The following LCOR variants were observed in gnomAD, a reference collection of about 807,000 sequenced individuals.
LCOR encodes ligand-dependent corepressor.
A neutral mutation model predicts 64.4 loss-of-function variants in LCOR; 14 were observed. The ratio of observed to expected loss-of-function variants is 0.22; its 90% CI spans 0.14 to 0.34. The LOEUF (loss-of-function observed/expected upper bound fraction) is 0.34. Among genes scored for constraint, LCOR ranks in the 10% least tolerant of loss-of-function variants. The pLI is 1.00. For synonymous variants in LCOR, 643 were observed against 642.5 expected, an observed-to-expected ratio of 1.00 and a Z score of -0.01; for missense variants, 1,686 against 1,765.3, an observed-to-expected ratio of 0.96 and a Z score of 0.80.
At chr10:96,895,156 C>A (rs1394514088) in intron 2 of LCOR, among the ~76,000 whole-genome samples, 2 of 152,130 alleles carry the variant, frequency 1.3e-5, no homozygotes, top group African/African-American at 4.8e-5. Context: ...TCAAAGTCAC[C>A]TATCCAATTG....
At chr10:96,960,938 C>A in intron 7 of LCOR, 1 of 151,886 alleles carries the variant, frequency 6.6e-6, no homozygotes. Context: ...ATTTGTGTAC[C>A]CTCATTCCTG....
chr10:96,933,131 G>T (rs1847291524), intron 4 of LCOR, among the ~76,000 whole-genome samples: 1 of 152,194 alleles, frequency 6.6e-6, no homozygotes, highest in African/African-American at 2.4e-5. Context: ...TTCAGTGTGA[G>T]TCTCATTTAA....
At chr10:96,847,567 G>C (rs1396019128) in intron 2 of LCOR, among the ~76,000 whole-genome samples, 3 of 152,010 alleles carry the variant, frequency 2.0e-5, no homozygotes, top group Non-Finnish European at 4.4e-5. Context: ...TCAGACTCCC[G>C]AGTAGCTGCG....
intron 7 of LCOR, chr10:96,960,898 A>G (rs1321704824): frequency 1.3e-5 from 2 of 152,290 alleles, no homozygotes; most frequent in Admixed American, 6.5e-5. Flanking sequence ...ATTTGTGAAC[A>G]TGGTGATGGA....
intron 2 of LCOR, among the ~76,000 whole-genome samples, chr10:96,842,206 C>G (rs755563834): frequency 2.6e-5 from 4 of 151,984 alleles, no homozygotes; most frequent in Non-Finnish European, 5.9e-5. Flanking sequence ...CCGTCCTGGC[C>G]AACATGGTGA....
intron 2 of LCOR, among the ~76,000 whole-genome samples, chr10:96,875,976 A>C (rs1441494467): frequency 1.3e-5 from 2 of 152,062 alleles, no homozygotes; most frequent in Non-Finnish European, 2.9e-5. Flanking sequence ...ACTTATAAAT[A>C]GCTAATTATA....
chr10:96,901,757 C>T lies in LCOR; in HGVS notation c.-329-5508C>T, dbSNP rs185518686. On this transcript the variant is annotated intron_variant, in intron 2 of 7. Transcript: ENST00000421806. ...CATTTCTTCCTTCCTTCCTTCCATC[C>T]GTTCCTCCATCTGTCCATCGGTCCA... is the stretch of plus-strand genomic sequence containing the variant. Among the ~76,000 whole-genome samples, 34 of 152,250 alleles carry T rather than the reference C, an allele frequency of 2.2e-4. No individual in the cohort carries two copies. In the East Asian group the frequency reaches 6.0e-3, roughly 27 times the overall value.
In LCOR at chr10:96,883,392, A is replaced by G. The variant is rs145929501; in HGVS notation, c.-329-23873A>G. The stretch of plus-strand genomic sequence containing the variant: ...TATTTGAGTAATTACCAAGAAGTGC[A>G]ATTGCTGTATCATATGATAAGAGTA... On this transcript the variant is annotated intron_variant, in intron 2 of 7. Transcript: ENST00000421806. Among the ~76,000 whole-genome samples, 307 of 152,330 alleles carry G rather than the reference A, an allele frequency of 2.0e-3. 2 individuals carry two copies. Among genetic ancestry groups the G allele is most frequent in the African/African-American group, 6.9e-3 (287 of 41,580 alleles).
chr10:96,984,731 A>AT lies in LCOR; in HGVS notation c.4272dup (p.Ala1425CysfsTer2). On this transcript the variant is annotated frameshift_variant, in exon 8 of 8. Coordinates refer to ENST00000421806, the MANE Select transcript of LCOR (RefSeq NM_001346516.2). LOFTEE classifies it high-confidence loss of function. ...ACGGTGAAAGCCAGCAAAGAAAAGC[A>AT]TGCTGATGGAGCCACCAAAACCCCT... 6.2e-7 allele frequency: 1 copy of AT among 1,613,892 alleles called. No homozygotes were observed.
Position 96,991,992 on chromosome 10 carries a change from T to G in LCOR, c.*6858T>G, listed in dbSNP as rs1343907336. 1 of 152,244 alleles carries G rather than the reference T, an allele frequency of 6.6e-6. No homozygotes were observed. The highest frequency in any genetic ancestry group is 1.5e-5 in the Non-Finnish European group (1 of 68,048). The allele number at this position is 152,244 out of a possible 1,614,324, so 9.4% of individuals were successfully genotyped here. Reference sequence around the variant, plus strand: ...AATGCTATTCAATTTATCCACTTTTTTTTAAACCCCAGTTTTCTGTGATCT... The same window carrying G: ...AATGCTATTCAATTTATCCACTTTTGTTTAAACCCCAGTTTTCTGTGATCT... On this transcript the variant is annotated 3_prime_UTR_variant, in exon 8 of 8. Coordinates refer to ENST00000421806, the MANE Select transcript of LCOR (RefSeq NM_001346516.2).
chr10:96,970,271 G>C (rs903012625), intron 7 of LCOR, among the ~76,000 whole-genome samples: 13 of 152,004 alleles, frequency 8.6e-5, no homozygotes, highest in African/African-American at 2.7e-4. Flanking sequence ...GGTGGCGCTT[G>C]CCTGTAGTCC....
intron 4 of LCOR, among the ~76,000 whole-genome samples, chr10:96,932,496 G>A (rs1168696308): frequency 1.3e-5 from 2 of 151,508 alleles, no homozygotes; most frequent in Admixed American, 1.3e-4. Flanking sequence ...ACAGAGTCTC[G>A]CTCTGTTCCC....
chr10:96,862,190 C>G (rs1845898171), intron 2 of LCOR, among the ~76,000 whole-genome samples: 1 of 152,216 alleles, frequency 6.6e-6, no homozygotes, highest in Non-Finnish European at 1.5e-5. Flanking sequence ...CAGGAGCCTC[C>G]ACATGTTCAG....
At chr10:96,926,804 G>A (rs1847176619) in intron 4 of LCOR, among the ~76,000 whole-genome samples, 1 of 151,862 alleles carries the variant, frequency 6.6e-6, no homozygotes, top group Non-Finnish European at 1.5e-5. Flanking sequence ...GTTTTTTTAT[G>A]TTTGACTTCT....
chr10:96,921,749 C>A (rs1022522961), intron 4 of LCOR, among the ~76,000 whole-genome samples: 2 of 152,234 alleles, frequency 1.3e-5, no homozygotes, highest in East Asian at 1.9e-4. Context: ...CTGGTGTAAG[C>A]CACGGCCCCC....
intron 2 of LCOR, among the ~76,000 whole-genome samples, chr10:96,838,472 C>T (rs1845483954): frequency 6.6e-6 from 1 of 152,154 alleles, no homozygotes; most frequent in South Asian, 2.1e-4. Flanking sequence ...ATAGGCAGTT[C>T]CACATTCCGT....
intron 2 of LCOR, among the ~76,000 whole-genome samples, chr10:96,852,998 A>G (rs569919685): frequency 7.2e-5 from 11 of 152,338 alleles, no homozygotes; most frequent in Middle Eastern, 6.8e-3. Context: ...ATGCTTGAAT[A>G]GTAAATTTGT....
rs758098414 is a variant in LCOR at position 96,990,799 on chromosome 10, C to T, written c.*5665C>T. On this transcript the variant is annotated 3_prime_UTR_variant, in exon 8 of 8. Transcript: ENST00000421806. The stretch of plus-strand genomic sequence containing the variant: ...TGATGCTCAGTGCTCAGGAGATGTC[C>T]TTTGCTCCATCCTTCAGAGGGGCAG... 1 of 152,140 alleles carries T rather than the reference C, an allele frequency of 6.6e-6. No individual in the cohort carries two copies. Among genetic ancestry groups the T allele is most frequent in the Non-Finnish European group, 1.5e-5 (1 of 68,044 alleles). 9.4% of individuals were successfully genotyped at this position (152,140 alleles called of 1,614,324 possible).
At chr10:96,908,844 T>A (rs1479282238) in intron 4 of LCOR, among the ~76,000 whole-genome samples, 1 of 151,912 alleles carries the variant, frequency 6.6e-6, no homozygotes, top group African/African-American at 2.4e-5. Context: ...GCCTCACGAG[T>A]AGCTGGGACT....
Sources: gnomAD v4.1 joint callset for allele counts (sites outside exome capture counted in the v4.1 genomes callset) on GRCh38, gnomAD v4.1.1 for gene constraint, MANE v1.5 for transcripts, NCBI Gene and HGNC (gene_info 2026-07-23, HGNC 2026-07-21) for gene names.